The following RGS17 variants were observed in gnomAD, a reference collection of about 807,000 sequenced individuals.
The protein encoded by RGS17 is regulator of G-protein signaling 17.
Under a neutral mutation model 25.5 loss-of-function variants are expected in RGS17, and 12 were observed. The observed-to-expected ratio is 0.47, with a 90% CI of 0.30 to 0.76. The LOEUF is 0.76. Ranked by LOEUF, RGS17 falls within the 30% of genes least tolerant of loss-of-function variation. The probability of loss-of-function intolerance (pLI) is 0.07; values close to 1 mark genes in which losing one functional copy is unlikely to be tolerated. For missense variants in RGS17, 196 were observed against 242.2 expected (o/e 0.81, Z 1.27); for synonymous variants, 71 against 76.9 (o/e 0.92, Z 0.40).
chr6:153,067,153 G>T (rs2129116280), intron 1 of RGS17, among the ~76,000 whole-genome samples: 1 of 152,002 alleles, frequency 6.6e-6, no homozygotes, highest in South Asian at 2.1e-4. Context: ...GGGTATAGAA[G>T]AAACATACTT....
At chr6:153,017,446 G>A (rs1404704739) in intron 4 of RGS17, among the ~76,000 whole-genome samples, 1 of 152,016 alleles carries the variant, frequency 6.6e-6, no homozygotes, top group Non-Finnish European at 1.5e-5. Flanking sequence ...AGTGTGGCTT[G>A]GGAAAATCTG....
chr6:153,110,788 G>A (rs145770659), intron 1 of RGS17, among the ~76,000 whole-genome samples: 2 of 152,280 alleles, frequency 1.3e-5, no homozygotes, highest in East Asian at 1.9e-4. Flanking sequence ...CACAGAGGGC[G>A]AGCCGAAGCA....
intron 1 of RGS17, among the ~76,000 whole-genome samples, chr6:153,053,527 C>G (rs181449243): frequency 2.0e-5 from 3 of 152,102 alleles, no homozygotes; most frequent in African/African-American, 7.2e-5. Context: ...AGGCAGAGCA[C>G]GGTGGCTCAT....
chr6:153,030,876 G>A (rs951463192), intron 2 of RGS17, among the ~76,000 whole-genome samples: 5 of 152,090 alleles, frequency 3.3e-5, no homozygotes, highest in Non-Finnish European at 5.9e-5. Context: ...ATAAGAACTC[G>A]GACAGAACTG....
intron 4 of RGS17, chr6:153,023,335 A>G: frequency 2.0e-6 from 1 of 505,792 alleles, no homozygotes; most frequent in South Asian, 1.4e-5. Context: ...GTTGTTTAGG[A>G]GAAACAAAAA....
intron 1 of RGS17, among the ~76,000 whole-genome samples, chr6:153,049,193 T>C (rs1160987669): frequency 1.3e-5 from 2 of 152,130 alleles, no homozygotes; most frequent in Non-Finnish European, 2.9e-5. Context: ...TTAGAGGCAG[T>C]TCAAGAGGGA....
chr6:153,011,567 A>G lies in RGS17; in HGVS notation c.*7T>C, dbSNP rs762764766. ...AGCCCTCCAAAATGATTGTTTTTAA[A>G]TGAACATTAAGATTCAGAAGAAGAG... On this transcript the variant is annotated 3_prime_UTR_variant, in exon 5 of 5. Transcript: ENST00000206262. 1.3e-6 allele frequency: 2 copies of G among 1,578,626 alleles called. No individual in the cohort carries two copies. The highest frequency in any genetic ancestry group is 1.7e-6 in the Non-Finnish European group (2 of 1,155,934).
chr6:153,113,004 C>T (rs990753777), intron 1 of RGS17, among the ~76,000 whole-genome samples: 1 of 152,148 alleles, frequency 6.6e-6, no homozygotes, highest in Non-Finnish European at 1.5e-5. Context: ...TATGAAGAAA[C>T]TGCATCAACT....
rs1584113343 is a variant in RGS17 at position 153,004,609 on chromosome 6, C to A, written c.*6965G>T. ...ACTTTGAAAACTCAAACCTATAGTT[C>A]GAGACTTCTGAATATTTTTACATTA... On this transcript the variant is annotated 3_prime_UTR_variant, in exon 5 of 5. Coordinates refer to ENST00000206262, the MANE Select transcript of RGS17 (RefSeq NM_012419.5). The A allele has an allele frequency of 6.6e-6, 1 of 151,992 alleles. No homozygotes were observed. The highest frequency in any genetic ancestry group is 6.6e-5 in the Admixed American group (1 of 15,252). The allele number at this position is 151,992 out of a possible 1,614,324, so 9.4% of individuals were successfully genotyped here.
intron 2 of RGS17, among the ~76,000 whole-genome samples, chr6:153,042,327 T>A (rs937447817): frequency 6.6e-6 from 1 of 152,214 alleles, no homozygotes. Flanking sequence ...ATAATCCCCA[T>A]GTGTCATGGG....
chr6:153,092,226 C>CAAA (rs1210066993), intron 1 of RGS17, among the ~76,000 whole-genome samples: 1 of 152,164 alleles, frequency 6.6e-6, no homozygotes, highest in African/African-American at 2.4e-5. Flanking sequence ...GGCATAGAAC[C>CAAA]GTTCACTTTG....
chr6:153,032,410 T>C (rs1472618411), intron 2 of RGS17, among the ~76,000 whole-genome samples: 1 of 152,186 alleles, frequency 6.6e-6, no homozygotes, highest in East Asian at 1.9e-4. Context: ...AGTATTTCAT[T>C]TGGCTTAAGC....
chr6:153,107,054 C>T (rs1223662224), intron 1 of RGS17, among the ~76,000 whole-genome samples: 10 of 151,562 alleles, frequency 6.6e-5, no homozygotes, highest in African/African-American at 1.7e-4. Context: ...ATTCATAAGC[C>T]GGGCATGGTG....
At chr6:153,042,738 A>T (rs1776338147) in intron 2 of RGS17, among the ~76,000 whole-genome samples, 1 of 152,316 alleles carries the variant, frequency 6.6e-6, no homozygotes, top group East Asian at 1.9e-4. Context: ...CTGAAACTGG[A>T]GTTTTCTAGA....
chr6:153,081,234 C>T (rs527732224), intron 1 of RGS17, among the ~76,000 whole-genome samples: 2 of 152,164 alleles, frequency 1.3e-5, no homozygotes, highest in African/African-American at 4.8e-5. Context: ...TTCTGTTTCT[C>T]CTGTCAGTTC....
At chr6:153,046,778 A>T (rs570485883) in intron 1 of RGS17, among the ~76,000 whole-genome samples, 3 of 152,224 alleles carry the variant, frequency 2.0e-5, no homozygotes, top group African/African-American at 7.2e-5. Context: ...TTTTCTTCAT[A>T]AGGGGAAAAA....
At chr6:153,076,985 A>C (rs1210799503) in intron 1 of RGS17, among the ~76,000 whole-genome samples, 4 of 152,154 alleles carry the variant, frequency 2.6e-5, no homozygotes, top group Non-Finnish European at 4.4e-5. Flanking sequence ...TAAGGGAAAA[A>C]AATGTACTTT....
chr6:153,055,081 T>C (rs2129113129), intron 1 of RGS17, among the ~76,000 whole-genome samples: 1 of 152,306 alleles, frequency 6.6e-6, no homozygotes, highest in Non-Finnish European at 1.5e-5. Flanking sequence ...AGCTGCTTAG[T>C]GACAGTGCCT....
intron 1 of RGS17, among the ~76,000 whole-genome samples, chr6:153,091,116 A>C (rs143580615): frequency 6.6e-6 from 1 of 152,336 alleles, no homozygotes; most frequent in East Asian, 1.9e-4. Context: ...CATTTCCTTA[A>C]TTATATAGCC....
Sources: allele counts gnomAD v4.1 joint callset (sites outside exome capture counted in the v4.1 genomes callset), GRCh38; gene constraint gnomAD v4.1.1; transcripts MANE v1.5; gene names NCBI Gene and HGNC (gene_info 2026-07-23, HGNC 2026-07-21).